Variants in ZNF638 observed in about 807,000 individuals in gnomAD.
The protein encoded by ZNF638 is zinc finger protein 638.
In ZNF638, 46 loss-of-function variants were observed where a neutral mutation model predicts 195.6. The observed-to-expected ratio is 0.24, with a 90% CI of 0.19 to 0.30. The LOEUF (loss-of-function observed/expected upper bound fraction) is 0.30. Ranked by LOEUF, ZNF638 falls within the 10% of genes least tolerant of loss-of-function variation. ZNF638 has a pLI of 1.00. For missense variants in ZNF638, 2,440 were observed against 2,325.3 expected (o/e 1.05, Z -1.01); for synonymous variants, 845 against 772.0 (o/e 1.09, Z -1.57).
intron 15 of ZNF638, among the ~76,000 whole-genome samples, chr2:71,401,618 CAG>C (rs1014871978): frequency 1.3e-5 from 2 of 151,470 alleles, no homozygotes; most frequent in Non-Finnish European, 2.9e-5. Context: ...ACCTGGGAGA[CAG>C]AGCTTGCAGT....
rs2079938493 is a variant in ZNF638 at position 71,398,352 on chromosome 2, CAG to C, written c.2429-348_2429-347del. Among the ~76,000 whole-genome samples, 10 of 152,128 alleles carry C rather than the reference CAG, an allele frequency of 6.6e-5. No homozygotes were observed. In the South Asian group the frequency reaches 1.9e-3, roughly 28 times the overall value. Reference sequence around the variant, plus strand: ...GTTTTAAATAATTTTGTGCATGAAACAGTTTTTTTTAAGTACTTACATGGGAA... The same window carrying C: ...GTTTTAAATAATTTTGTGCATGAAACTTTTTTTTAAGTACTTACATGGGAA... On this transcript the variant is annotated intron_variant, in intron 11 of 27. Transcript: ENST00000264447.
intron 10 of ZNF638, among the ~76,000 whole-genome samples, chr2:71,392,778 T>C (rs2079808752): frequency 6.6e-6 from 1 of 152,100 alleles, no homozygotes; most frequent in South Asian, 2.1e-4. Flanking sequence ...GATTGCCAGC[T>C]CACAGGCACA....
At chr2:71,383,854 G>A (rs1269681656) in intron 10 of ZNF638, among the ~76,000 whole-genome samples, 2 of 139,208 alleles carry the variant, frequency 1.4e-5, no homozygotes, top group East Asian at 2.0e-4. Flanking sequence ...CACCCACCTC[G>A]GCCTCCCAAA....
At chr2:71,400,045 G>A in intron 13 of ZNF638, 67 bp from the exon 14 acceptor site, 2 of 1,326,492 alleles carry the variant, frequency 1.5e-6, no homozygotes, top group South Asian at 1.5e-5. Context: ...TTAAGTTCCT[G>A]TTTAGATTCA....
intron 10 of ZNF638, among the ~76,000 whole-genome samples, chr2:71,394,003 C>T (rs1246182600): frequency 1.3e-5 from 2 of 152,330 alleles, no homozygotes; most frequent in African/African-American, 4.8e-5. Context: ...TCAAACCGGG[C>T]AAGGCAATCA....
At chr2:71,428,975 A>G (rs1365870193) in intron 25 of ZNF638, 4 of 205,476 alleles carry the variant, frequency 1.9e-5, no homozygotes, top group South Asian at 1.0e-4. Flanking sequence ...CAGCCAGCCA[A>G]TGAATTAAAC....
rs1237347921 is a variant in ZNF638, at chr2:71,426,465, A to G, written c.4596A>G (p.Pro1532=). ...TGRSSKSKEE[P]LFPFNLDEFV... ...GATTTTTAACTTTCCAACAGGAGCCATTATTTCCATTTAATTTGGATGAAT... is the reference window on the plus strand; with the variant it reads ...GATTTTTAACTTTCCAACAGGAGCCGTTATTTCCATTTAATTTGGATGAAT... Residue 1532 remains proline, a synonymous_variant, in exon 24 of 28, where the codon CCA becomes CCG. Coordinates refer to ENST00000264447, the MANE Select transcript of ZNF638 (RefSeq NM_014497.5). The G allele has an allele frequency of 1.9e-6, 3 of 1,564,522 alleles. No homozygotes were observed. Among genetic ancestry groups the G allele is most frequent in the Middle Eastern group, 3.5e-4 (2 of 5,790 alleles).
At chr2:71,395,106 G>T (rs1457883386) in intron 10 of ZNF638, 3 of 613,214 alleles carry the variant, frequency 4.9e-6, no homozygotes, top group South Asian at 4.0e-5. Flanking sequence ...ATCCCTAAAC[G>T]CCATAGATCT....
At chr2:71,430,032 A>C (rs1406630418) in intron 25 of ZNF638, among the ~76,000 whole-genome samples, 2 of 152,232 alleles carry the variant, frequency 1.3e-5, no homozygotes, top group African/African-American at 4.8e-5. Flanking sequence ...CAGCTTGCTT[A>C]GAACTGCCTC....
intron 1 of ZNF638, chr2:71,348,331 A>G (rs565078384): frequency 7.3e-5 from 64 of 879,618 alleles, no homozygotes; most frequent in Admixed American, 1.8e-4. Flanking sequence ...TTTTAGGCTT[A>G]CAGTTCTTAC....
chr2:71,334,237 C>T (rs897738198), intron 1 of ZNF638, among the ~76,000 whole-genome samples: 1 of 152,138 alleles, frequency 6.6e-6, no homozygotes, highest in Non-Finnish European at 1.5e-5. Context: ...TTCCACTGTA[C>T]CTTAATGTAT....
Position 71,349,727 on chromosome 2 carries a change from T to C in ZNF638, c.773T>C (p.Ile258Thr), listed in dbSNP as rs2078909345. 1 of 1,614,204 alleles carries C rather than the reference T, an allele frequency of 6.2e-7. No homozygotes were observed. The highest frequency in any genetic ancestry group is 1.3e-5 in the African/African-American group (1 of 75,054). ...GCATCTGTTCCCAATCCAAATGTGA[T>C]ATGTAATTCTATGTTTCCTGTTGAA... is the stretch of plus-strand genomic sequence containing the variant. ...ISASVPNPNV[I>T]CNSMFPVEDV... Residue 258 changes from isoleucine to threonine, a missense_variant, in exon 2 of 28, where the codon ATA (isoleucine) becomes ACA (threonine). By Grantham distance (89) the Ile-to-Thr change is moderately conservative (BLOSUM62 -1). Coordinates refer to ENST00000264447, the MANE Select transcript of ZNF638 (RefSeq NM_014497.5).
At chr2:71,336,388 A>C in intron 1 of ZNF638, among the ~76,000 whole-genome samples, 2 of 149,504 alleles carry the variant, frequency 1.3e-5, no homozygotes, top group Admixed American at 6.6e-5. Flanking sequence ...AAAAAAAAAA[A>C]AAAAAAAAAA....
At chr2:71,359,494 A>G (rs1004680760) in intron 3 of ZNF638, among the ~76,000 whole-genome samples, 2 of 152,194 alleles carry the variant, frequency 1.3e-5, no homozygotes, top group Non-Finnish European at 2.9e-5. Flanking sequence ...GCCCGCCCAC[A>G]TTGAGGGCAG....
At chr2:71,368,325 A>G in intron 6 of ZNF638, 57 bp from the exon 7 acceptor site, 1 of 1,483,696 alleles carries the variant, frequency 6.7e-7, no homozygotes, top group African/African-American at 1.4e-5. Flanking sequence ...GGAAATTATT[A>G]CTGTACATTG....
intron 1 of ZNF638, chr2:71,341,591 A>T (rs776471761): frequency 6.6e-6 from 1 of 152,336 alleles, no homozygotes; most frequent in East Asian, 1.9e-4. Context: ...ACAAGCACAC[A>T]TTACTTACAT....
chr2:71,409,875 C>T (rs1049057036), intron 20 of ZNF638, among the ~76,000 whole-genome samples: 2 of 152,218 alleles, frequency 1.3e-5, no homozygotes, highest in East Asian at 1.9e-4. Context: ...GATTCTGTCA[C>T]GTCACAGGTG....
intron 1 of ZNF638, among the ~76,000 whole-genome samples, chr2:71,342,156 G>A (rs1218579214): frequency 7.1e-6 from 1 of 141,174 alleles, no homozygotes; most frequent in Non-Finnish European, 1.5e-5. Flanking sequence ...AGGAGGTGGA[G>A]GTTTCAGTGA....
chr2:71,388,228 A>T (rs1256934704), intron 10 of ZNF638, among the ~76,000 whole-genome samples: 1 of 152,228 alleles, frequency 6.6e-6, no homozygotes, highest in African/African-American at 2.4e-5. Context: ...TCTTACCCTG[A>T]GGCTAAGGGC....
Sources: gnomAD v4.1 joint callset for allele counts (sites outside exome capture counted in the v4.1 genomes callset) on GRCh38, gnomAD v4.1.1 for gene constraint, MANE v1.5 for transcripts, NCBI Gene and HGNC (gene_info 2026-07-23, HGNC 2026-07-21) for gene names.